Variants in CLSTN1 observed in about 807,000 individuals in gnomAD.
The protein encoded by CLSTN1 is calsyntenin 1, also known as calsyntenin-1.
A neutral mutation model predicts 108.3 loss-of-function variants in CLSTN1; 28 were observed. The observed-to-expected ratio is 0.26, with a 90% CI of 0.19 to 0.35. CLSTN1 has a LOEUF of 0.35. Among genes scored for constraint, CLSTN1 ranks in the 10% least tolerant of loss-of-function variants. The pLI is 1.00. For missense variants in CLSTN1, 1,157 were observed against 1,302.6 expected (o/e 0.89, Z 1.72); for synonymous variants, 524 against 534.9 (o/e 0.98, Z 0.28).
At chr1:9,787,980 C>T (rs993251926) in intron 1 of CLSTN1, among the ~76,000 whole-genome samples, 1 of 151,328 alleles carries the variant, frequency 6.6e-6, no homozygotes, top group African/African-American at 2.4e-5. Flanking sequence ...AAGGGTCCGG[C>T]GTGGTGGCTC....
At chr1:9,781,922 C>T (rs1463079927) in intron 1 of CLSTN1, among the ~76,000 whole-genome samples, 3 of 152,142 alleles carry the variant, frequency 2.0e-5, no homozygotes, top group Non-Finnish European at 4.4e-5. Context: ...GTTGACATTT[C>T]CACTATAAAT....
intron 1 of CLSTN1, among the ~76,000 whole-genome samples, chr1:9,799,901 A>G (rs1248220243): frequency 6.6e-6 from 1 of 152,186 alleles, no homozygotes; most frequent in Non-Finnish European, 1.5e-5. Flanking sequence ...AGATCGTGCC[A>G]CTGCACTCTA....
chr1:9,812,013 T>C (rs1201018380), intron 1 of CLSTN1, among the ~76,000 whole-genome samples: 2 of 152,142 alleles, frequency 1.3e-5, no homozygotes, highest in Non-Finnish European at 1.5e-5. Context: ...GGCATATGCC[T>C]GTAGTCCCAA....
Position 9,823,737 on chromosome 1 carries a change from C to T in CLSTN1, c.-4G>A. The T allele has an allele frequency of 9.5e-7, 1 of 1,053,516 alleles. No individual in the cohort carries two copies. The highest frequency in any genetic ancestry group is 1.1e-6 in the Non-Finnish European group (1 of 875,542). The allele number at this position is 1,053,516 out of a possible 1,614,324, so 65.3% of individuals were successfully genotyped here. A position where few individuals can be genotyped will look rare whatever the true frequency, so the allele number is the denominator to read the frequency against. On this transcript the variant is annotated 5_prime_UTR_variant, in exon 1 of 19. Transcript: ENST00000377298. The surrounding 1 kb of genome is among the most constrained non-coding windows in gnomAD (Gnocchi z 6.3). ...CGGGAGCGGGGCGGCGCAGCATCGC[C>T]AGCCCGGGGCGGGAGCGGCAGGGAG...
rs189371395 is a variant in CLSTN1 at position 9,813,004 on chromosome 1, A to T, written c.91+10639T>A. Among the ~76,000 whole-genome samples the T allele has an allele frequency of 1.5e-3, 232 of 151,572 alleles. 2 individuals carry two copies. Among genetic ancestry groups the T allele is most frequent in the African/African-American group, 5.5e-3 (226 of 41,226 alleles). The stretch of plus-strand genomic sequence containing the variant: ...CATGGTGAAACCCCATCTCTACTAA[A>T]AATACAAAAATTAGCCAGGCATGGT... On this transcript the variant is annotated intron_variant, in intron 1 of 18. Coordinates refer to ENST00000377298, the MANE Select transcript of CLSTN1 (RefSeq NM_001009566.3).
chr1:9,735,435 A>G, intron 13 of CLSTN1, 32 bp downstream of exon 13: 1 of 1,614,114 alleles, frequency 6.2e-7, no homozygotes, highest in Non-Finnish European at 8.5e-7. Context: ...TCATTGGGCA[A>G]AACAGGCCGG....
At chr1:9,780,989 T>C (rs1271768334) in intron 1 of CLSTN1, 1 of 475,900 alleles carries the variant, frequency 2.1e-6, no homozygotes, top group Non-Finnish European at 3.7e-6. Context: ...TGGTGTCATG[T>C]CGGTGCTTAA....
chr1:9,775,279 A>C (rs907362518), intron 1 of CLSTN1, among the ~76,000 whole-genome samples: 1 of 151,802 alleles, frequency 6.6e-6, no homozygotes, highest in Non-Finnish European at 1.5e-5. Context: ...GCTCTGGTTC[A>C]AATGCCTCTG....
rs1317951338 is a variant in CLSTN1, at chr1:9,730,581, C to G, written c.2873G>C (p.Gly958Ala). Residue 958 changes from glycine to alanine, a missense_variant, in exon 19 of 19, where the codon GGG becomes GCG. Gly to Ala is a moderately conservative substitution (Grantham distance 60). Coordinates refer to ENST00000377298, the MANE Select transcript of CLSTN1 (RefSeq NM_001009566.3). This position sits in a 1 kb window ranked among gnomAD's most constrained non-coding sequence, Gnocchi z 5.6. ...TGCGTTCTGGGGGTCGCCCTGCTCC[C>G]CCTCCTCCTCCTCGCTGCTCTCCGA... ...AESESSEEEE[G>A]EQGDPQNATR... 3 of 1,609,078 alleles carry G rather than the reference C, an allele frequency of 1.9e-6. No individual in the cohort carries two copies. The highest frequency in any genetic ancestry group is 1.7e-6 in the Non-Finnish European group (2 of 1,179,654).
rs77483233 is a variant in CLSTN1 at position 9,769,111 on chromosome 1, G to A, written c.214+4161C>T. Among the ~76,000 whole-genome samples the A allele has an allele frequency of 3.4e-3, 495 of 145,050 alleles. 8 individuals carry two copies. The East Asian group carries it at 0.036, about 11-fold the overall frequency. On this transcript the variant is annotated intron_variant, in intron 2 of 18. Coordinates refer to ENST00000377298, the MANE Select transcript of CLSTN1 (RefSeq NM_001009566.3). ...AGAGGGAGGAAGCGAAGGAGGGAAG[G>A]AGAGAGAGAGGAAGGAAATGAGAGG... is the stretch of plus-strand genomic sequence containing the variant.
At chr1:9,735,755 A>C (rs750793410) in intron 12 of CLSTN1, 130 bp downstream of exon 12, 5 of 1,491,556 alleles carry the variant, frequency 3.4e-6, no homozygotes, top group Non-Finnish European at 4.6e-6. Flanking sequence ...GTTTAAGTCC[A>C]GTGAACACAA....
intron 1 of CLSTN1, 132 bp from the exon 2 acceptor site, chr1:9,773,526 C>T (rs1187860218): frequency 3.2e-6 from 3 of 927,912 alleles, no homozygotes; most frequent in Non-Finnish European, 3.0e-6. Flanking sequence ...GCTCACAGTT[C>T]TGTCGCAAAA....
At position 9,755,134 on chromosome 1, in the gene CLSTN1, G is replaced by A; in HGVS notation, c.420C>T (p.Thr140=). 1 of 1,610,406 alleles carries A rather than the reference G, an allele frequency of 6.2e-7. No individual in the cohort carries two copies. Among genetic ancestry groups the A allele is most frequent in the Non-Finnish European group, 8.5e-7 (1 of 1,177,516 alleles). Residue 140 remains threonine (T), a synonymous_variant, in exon 4 of 19, where the codon ACC becomes ACT. Coordinates refer to ENST00000377298, the MANE Select transcript of CLSTN1 (RefSeq NM_001009566.3). ...AYDCGKGPDG[T]NVKKSHKATV... Reference sequence around the variant, plus strand: ...CTTACTTATGAGACTTTTTCACGTTGGTGCCATCAGGTCCCTTCCCACAAT... The same window carrying A: ...CTTACTTATGAGACTTTTTCACGTTAGTGCCATCAGGTCCCTTCCCACAAT...
At position 9,734,527 on chromosome 1, in the gene CLSTN1, A is replaced by G. The variant is rs1238557185; in HGVS notation, c.2111-385T>C. ...GAGGTGGATGCTGCAGTTAGCCAAG[A>G]TGACACCATTGCACTCCAGCCTGGG... On this transcript the variant is annotated intron_variant, in intron 14 of 18. Coordinates refer to ENST00000377298, the MANE Select transcript of CLSTN1 (RefSeq NM_001009566.3). This position sits in a 1 kb window ranked among gnomAD's most constrained non-coding sequence, Gnocchi z 4.8. 2.6e-5 allele frequency among the ~76,000 whole-genome samples: 4 copies of G among 151,352 alleles called. No individual in the cohort carries two copies. Among genetic ancestry groups the G allele is most frequent in the Non-Finnish European group, 5.9e-5 (4 of 67,872 alleles).
Position 9,812,862 on chromosome 1 carries a change from A to C in CLSTN1, c.91+10781T>G, listed in dbSNP as rs576251754. ...AAACTCTATCTCAAAAAAAAAAAAA[A>C]AAACAAACAAACCTATTGCTGACCA... On this transcript the variant is annotated intron_variant, in intron 1 of 18. Coordinates refer to ENST00000377298, the MANE Select transcript of CLSTN1 (RefSeq NM_001009566.3). Among the ~76,000 whole-genome samples the C allele has an allele frequency of 2.6e-3, 398 of 151,608 alleles. 2 individuals are homozygous for C. Among genetic ancestry groups the C allele is most frequent in the African/African-American group, 5.3e-3 (219 of 41,334 alleles).
chr1:9,795,269 G>A (rs1178910147), intron 1 of CLSTN1, among the ~76,000 whole-genome samples: 2 of 150,042 alleles, frequency 1.3e-5, no homozygotes, highest in Non-Finnish European at 2.9e-5. Flanking sequence ...GGGTTCAATC[G>A]ATTCTCCTGC....
intron 10 of CLSTN1, among the ~76,000 whole-genome samples, chr1:9,739,695 A>G (rs750239813): frequency 3.9e-5 from 6 of 152,198 alleles, no homozygotes; most frequent in Non-Finnish European, 8.8e-5. Context: ...AATTAAAATA[A>G]TAACAATAAT....
chr1:9,802,509 A>AT (rs1654319211), intron 1 of CLSTN1, among the ~76,000 whole-genome samples: 1 of 152,184 alleles, frequency 6.6e-6, no homozygotes, highest in African/African-American at 2.4e-5. Context: ...ATCCATCCAG[A>AT]TTTTTTAAAC....
upstream of CLSTN1, chr1:9,824,470 G>A (rs1655335153): frequency 6.6e-6 from 1 of 152,198 alleles, no homozygotes; most frequent in Non-Finnish European, 1.5e-5. The surrounding 1 kb of genome is among the most constrained non-coding windows in gnomAD (Gnocchi z 5.0). Context: ...GAACCTCGGG[G>A]TCCTCGTCTC....
Sources: gnomAD v4.1 joint callset for allele counts (sites outside exome capture counted in the v4.1 genomes callset) on GRCh38, gnomAD v4.1.1 for gene constraint, Gnocchi (gnomAD v3.1) non-coding constraint, MANE v1.5 for transcripts, NCBI Gene and HGNC (gene_info 2026-07-23, HGNC 2026-07-21) for gene names.